COL6A3: variants seen among roughly 807,000 people sequenced by gnomAD.
COL6A3 encodes the protein collagen alpha-3(VI) chain.
COL6A3 carries 137 observed loss-of-function variants against 274.1 expected under a neutral mutation model. That is an observed-to-expected ratio of 0.50 (90% CI 0.44 to 0.58). COL6A3 has a LOEUF of 0.58. Among genes scored for constraint, COL6A3 ranks in the 20% least tolerant of loss-of-function variants. The pLI is 0.00. For synonymous variants in COL6A3, 1,650 were observed against 1,650.6 expected, an observed-to-expected ratio of 1.00 and a Z score of 0.01; for missense variants, 3,950 against 4,124.9, an observed-to-expected ratio of 0.96 and a Z score of 1.16.
intron 2 of COL6A3, among the ~76,000 whole-genome samples, chr2:237,396,226 G>T (rs1221132379): frequency 6.6e-6 from 1 of 152,158 alleles, no homozygotes; most frequent in East Asian, 1.9e-4. Flanking sequence ...TAGAACCCAT[G>T]CTTTTAATTC....
chr2:237,364,270 GA>G lies in COL6A3; in HGVS notation c.5917+79del, dbSNP rs1198725702. ...GCTCCCTTGGGGCGCTGCATTAGCAGAGAGGTTTCTCTCCAGCAGAGCAGTA... is the reference window on the plus strand; with the variant it reads ...GCTCCCTTGGGGCGCTGCATTAGCAGGAGGTTTCTCTCCAGCAGAGCAGTA... On this transcript the variant is annotated intron_variant, in intron 13 of 43. Coordinates refer to ENST00000295550, the MANE Select transcript of COL6A3 (RefSeq NM_004369.4). This position sits in a 1 kb window ranked among gnomAD's most constrained non-coding sequence, Gnocchi z 4.6. The G allele has an allele frequency of 2.7e-6, 3 of 1,125,960 alleles. No homozygotes were observed. The highest frequency in any genetic ancestry group is 1.3e-6 in the Non-Finnish European group (1 of 742,734). 69.7% of individuals were successfully genotyped at this position (1,125,960 alleles called of 1,614,324 possible).
At chr2:237,396,351 A>T (rs2106390621) in intron 2 of COL6A3, among the ~76,000 whole-genome samples, 1 of 152,228 alleles carries the variant, frequency 6.6e-6, no homozygotes. Context: ...AATAGTTTTT[A>T]CTCTCAATCA....
rs940020356 is a variant in COL6A3 at position 237,368,192 on chromosome 2, G to A, written c.4900+371C>T. 2.0e-5 allele frequency among the ~76,000 whole-genome samples: 3 copies of A among 152,220 alleles called. No homozygotes were observed. Among genetic ancestry groups the A allele is most frequent in the African/African-American group, 7.2e-5 (3 of 41,442 alleles). ...GTCCCACCAGGCCAAGGAATGAGGG[G>A]ACCTGGACTATATTGGGCATCTGGC... On this transcript the variant is annotated intron_variant, in intron 10 of 43. Coordinates refer to ENST00000295550, the MANE Select transcript of COL6A3 (RefSeq NM_004369.4). The surrounding 1 kb of genome is among the most constrained non-coding windows in gnomAD (Gnocchi z 4.4).
intron 1 of COL6A3, among the ~76,000 whole-genome samples, chr2:237,409,357 A>G (rs1041977716): frequency 2.6e-5 from 4 of 152,198 alleles, no homozygotes; most frequent in Non-Finnish European, 4.4e-5. Flanking sequence ...CAGGTTTGTT[A>G]CATATGTATA....
chr2:237,336,571 G>A, intron 39 of COL6A3, 39 bp from the exon 40 acceptor site: 1 of 1,601,398 alleles, frequency 6.2e-7, no homozygotes, highest in Admixed American at 1.7e-5. Flanking sequence ...ACTTTTACCT[G>A]CTATCTAAAA....
chr2:237,335,756 TG>T (rs1700506402), intron 40 of COL6A3, among the ~76,000 whole-genome samples: 1 of 152,220 alleles, frequency 6.6e-6, no homozygotes. Context: ...TCTGCCTTGC[TG>T]CCTAAGAACC....
At chr2:237,373,352 C>T (rs571772597) in intron 8 of COL6A3, among the ~76,000 whole-genome samples, 3 of 152,290 alleles carry the variant, frequency 2.0e-5, no homozygotes, top group African/African-American at 7.2e-5. Flanking sequence ...TGGAGACACA[C>T]AAAGCGCCTT....
chr2:237,368,796 A>C lies in COL6A3; in HGVS notation c.4667T>G (p.Val1556Gly), dbSNP rs375207869. The C allele has an allele frequency of 6.2e-7, 1 of 1,614,216 alleles. No individual in the cohort carries two copies. Among genetic ancestry groups the C allele is most frequent in the Non-Finnish European group, 8.5e-7 (1 of 1,180,028 alleles). Residue 1556 changes from valine to glycine, a missense_variant, in exon 10 of 44, where the codon GTG becomes GGG. Transcript: ENST00000295550. The surrounding 1 kb of genome is among the most constrained non-coding windows in gnomAD (Gnocchi z 4.4). ...LVLGGKSQDDVSRFAQVIRSS... is the reference protein window; with the variant it reads ...LVLGGKSQDDGSRFAQVIRSS... Reference sequence around the variant, plus strand: ...ACGGATCACCTGGGCGAACCTGGACACATCGTCCTGGGATTTTCCACCCAG... The same window carrying C: ...ACGGATCACCTGGGCGAACCTGGACCCATCGTCCTGGGATTTTCCACCCAG...
At chr2:237,405,595 C>G (rs1371930666) in intron 1 of COL6A3, among the ~76,000 whole-genome samples, 1 of 152,046 alleles carries the variant, frequency 6.6e-6, no homozygotes, top group Non-Finnish European at 1.5e-5. Flanking sequence ...CCCAACCATC[C>G]GATGGCTGAT....
chr2:237,370,058 C>A (rs546078699), intron 9 of COL6A3, among the ~76,000 whole-genome samples: 59 of 151,644 alleles, frequency 3.9e-4, no homozygotes, highest in African/African-American at 1.4e-3. Flanking sequence ...ATGAGGGTCT[C>A]ACTGTGTTGC....
In COL6A3 at chr2:237,388,107, C is replaced by A. The variant is rs774576681; in HGVS notation, c.787G>T (p.Asp263Tyr). Reference protein sequence around the residue: ...TGSVNFAVILDFLVNLLEKLP... With the variant: ...TGSVNFAVILYFLVNLLEKLP... ...TTCTCAAGGAGATTTACAAGGAAGT[C>A]GAGAATGACTGCGAAATTGACACTT... Residue 263 changes from aspartate to tyrosine, a missense_variant, in exon 4 of 44, where the codon GAC becomes TAC. Asp to Tyr is a radical substitution (Grantham distance 160). Around this residue, in one of 5 missense-constraint regions of COL6A3, gnomAD observed 1,934 missense variants for 1,984.3 expected, o/e 0.97. Transcript: ENST00000295550. The A allele has an allele frequency of 4.3e-6, 7 of 1,613,990 alleles. No individual in the cohort carries two copies. The highest frequency in any genetic ancestry group is 1.7e-5 in the Admixed American group (1 of 60,006).
In COL6A3 at chr2:237,368,939, G is replaced by C. The variant is rs755902927; in HGVS notation, c.4524C>G (p.Leu1508=). ...PVLDAIRRLR[L]RGGSPLNTGK... is the part of the protein sequence containing the mutation. ...CAGTGTTCAGTGGGGACCCCCCTCT[G>C]AGCCTCAGGCGCCGTATGGCGTCCA... is the stretch of plus-strand genomic sequence containing the variant. The change falls in exon 10 of 44, where the codon CTC becomes CTG. Residue 1508 remains leucine (L), a synonymous_variant. Transcript: ENST00000295550. The surrounding 1 kb of genome is among the most constrained non-coding windows in gnomAD (Gnocchi z 4.4). The C allele has an allele frequency of 6.8e-6, 11 of 1,614,100 alleles. No individual in the cohort carries two copies. Among genetic ancestry groups the C allele is most frequent in the Admixed American group, 3.3e-5 (2 of 60,010 alleles).
Position 237,336,249 on chromosome 2 carries a change from C to G in COL6A3, c.8851G>C (p.Ala2951Pro), listed in dbSNP as rs373948506. Residue 2951 changes from alanine (A) to proline (P), a missense_variant, in exon 40 of 44, where the codon GCT (alanine) becomes CCT (proline). Transcript: ENST00000295550. ...AAKPVAAKPAAVRPPAAAAAK... is the reference protein window; with the variant it reads ...AAKPVAAKPAPVRPPAAAAAK... ...GCAGCAGCAGCGGGGGGTCTTACAGCTGCTGGCTTTGCTGCTACAGGCTTC... is the reference window on the plus strand; with the variant it reads ...GCAGCAGCAGCGGGGGGTCTTACAGGTGCTGGCTTTGCTGCTACAGGCTTC... 2 of 1,614,064 alleles carry G rather than the reference C, an allele frequency of 1.2e-6. No individual in the cohort carries two copies. The highest frequency in any genetic ancestry group is 1.7e-6 in the Non-Finnish European group (2 of 1,179,994).
In COL6A3 at chr2:237,344,651, G is replaced by A. The variant is rs747074064; in HGVS notation, c.7367C>T (p.Thr2456Met). The A allele has an allele frequency of 2.0e-5, 32 of 1,613,734 alleles. No homozygotes were observed. Among genetic ancestry groups the A allele is most frequent in the Middle Eastern group, 1.6e-4 (1 of 6,082 alleles). The part of the protein sequence containing the change: ...AVVTYNNEVT[T>M]EIRFADSKRK... ...CTTGGAGTCAGCAAACCGGATCTCCGTGGTCACCTCGTTGTTGTAGGTGAC... is the reference window on the plus strand; with the variant it reads ...CTTGGAGTCAGCAAACCGGATCTCCATGGTCACCTCGTTGTTGTAGGTGAC... Residue 2456 changes from threonine (T) to methionine (M), a missense_variant, in exon 36 of 44, where the codon ACG (threonine) becomes ATG (methionine). Thr to Met is a moderately conservative substitution (Grantham distance 81, BLOSUM62 -1). Around this residue, in one of 5 missense-constraint regions of COL6A3, gnomAD observed 1,284 missense variants for 1,349.7 expected, o/e 0.95. Transcript: ENST00000295550. The surrounding 1 kb of genome is among the most constrained non-coding windows in gnomAD (Gnocchi z 4.8).
intron 16 of COL6A3, among the ~76,000 whole-genome samples, chr2:237,360,834 T>C (rs533207108): frequency 3.3e-5 from 5 of 152,254 alleles, no homozygotes; most frequent in Admixed American, 2.6e-4. Flanking sequence ...CTTAATCTAG[T>C]AGATACTGGG....
At chr2:237,401,683 T>C (rs539470551) in intron 1 of COL6A3, among the ~76,000 whole-genome samples, 3 of 145,742 alleles carry the variant, frequency 2.1e-5, no homozygotes, top group East Asian at 4.2e-4. Context: ...ACACCACTTA[T>C]ACTGTAATTT....
Position 237,365,943 on chromosome 2 carries a change from T to C in COL6A3, c.5593A>G (p.Ile1865Val), listed in dbSNP as rs895044429. The C allele has an allele frequency of 6.2e-7, 1 of 1,614,156 alleles. No individual in the cohort carries two copies. Among genetic ancestry groups the C allele is most frequent in the African/African-American group, 1.3e-5 (1 of 75,062 alleles). Residue 1865 changes from isoleucine (I) to valine (V), a missense_variant, in exon 12 of 44, where the codon ATC becomes GTC. Ile to Val is a conservative substitution (Grantham distance 29). Transcript: ENST00000295550. ...QKGFESKVDA[I>V]LNRISQMHRV... ...TGCATCTGGCTGATTCTGTTCAAGA[T>C]GGCGTCCACCTTGGACTCGAAGCCC...
rs766840185 is a variant in COL6A3, at chr2:237,381,339, G to A, written c.1473C>T (p.Asp491=). ...LIQVAVAQYA[D]TVRPEFYFNT... The stretch of plus-strand genomic sequence containing the variant: ...TGAAATAAAATTCAGGCCTCACAGT[G>A]TCTGCATACTGGGCCACTGCCACCT... Residue 491 remains aspartate (D), a synonymous_variant, in exon 5 of 44, where the codon GAC becomes GAT. Coordinates refer to ENST00000295550, the MANE Select transcript of COL6A3 (RefSeq NM_004369.4). 9.3e-6 allele frequency: 15 copies of A among 1,614,196 alleles called. No individual in the cohort carries two copies. The highest frequency in any genetic ancestry group is 1.3e-5 in the Non-Finnish European group (15 of 1,180,040).
chr2:237,395,068 G>A lies in COL6A3; in HGVS notation c.228C>T (p.Phe76=). Residue 76 remains phenylalanine, a synonymous_variant, in exon 3 of 44, where the codon TTC becomes TTT. Transcript: ENST00000295550. The stretch of plus-strand genomic sequence containing the variant: ...CGTTGAACTGGACCAGAGCAAAATG[G>A]AAATCATTTTCTCCCACAGCTAAGG... ...VKSLAVGEND[F]HFALVQFNGN... 1 of 1,614,106 alleles carries A rather than the reference G, an allele frequency of 6.2e-7. No individual in the cohort carries two copies. Among genetic ancestry groups the A allele is most frequent in the Non-Finnish European group, 8.5e-7 (1 of 1,180,016 alleles).
Sources: allele counts gnomAD v4.1 joint callset (sites outside exome capture counted in the v4.1 genomes callset), GRCh38; gene constraint gnomAD v4.1.1; regional missense constraint gnomAD v4.1.1; non-coding constraint Gnocchi (gnomAD v3.1); transcripts MANE v1.5; gene names NCBI Gene and HGNC (gene_info 2026-07-23, HGNC 2026-07-21).